Variants in EFR3B observed in about 807,000 individuals in gnomAD.
EFR3B encodes the protein protein EFR3 homolog B.
Under a neutral mutation model 104.7 loss-of-function variants are expected in EFR3B, and 64 were observed. That is an observed-to-expected ratio of 0.61 (90% CI 0.50 to 0.75). The LOEUF is 0.75. EFR3B is among the 30% of genes least tolerant of loss of function. EFR3B has a pLI of 0.00. For missense variants in EFR3B, 750 were observed against 1,078.5 expected (o/e 0.70, Z 4.27); for synonymous variants, 385 against 417.9 (o/e 0.92, Z 0.96).
chr2:25,142,027 C>T (rs991248902), intron 17 of EFR3B, among the ~76,000 whole-genome samples: 58 of 152,114 alleles, frequency 3.8e-4, no homozygotes, highest in African/African-American at 1.3e-3. Context: ...AAGCTGGGTG[C>T]GGTGGCTCAC....
At chr2:25,071,945 AT>A (rs1301676785) in intron 1 of EFR3B, among the ~76,000 whole-genome samples, 2 of 152,070 alleles carry the variant, frequency 1.3e-5, no homozygotes, top group Non-Finnish European at 2.9e-5. Context: ...TTTTCAATGT[AT>A]CTGTTTTACT....
At chr2:25,118,874 A>G (rs1669940170) in intron 4 of EFR3B, among the ~76,000 whole-genome samples, 1 of 152,068 alleles carries the variant, frequency 6.6e-6, no homozygotes, top group Admixed American at 6.6e-5. Flanking sequence ...CCCCGTCTCA[A>G]CTAAAAATAC....
chr2:25,129,969 C>A lies in EFR3B; in HGVS notation c.636-6C>A. 6.4e-7 allele frequency: 1 copy of A among 1,551,314 alleles called. No homozygotes were observed. The highest frequency in any genetic ancestry group is 8.7e-7 in the Non-Finnish European group (1 of 1,146,980). On this transcript the variant is annotated splice_region_variant and splice_polypyrimidine_tract_variant and intron_variant, in intron 6 of 22. Transcript: ENST00000403714. ...ACCCTCTACCCATGTGCCTCTGTCT[C>A]CCCAGCCGGTCTCCCTCACCCCTCC...
chr2:25,059,794 G>C (rs1668135643), intron 1 of EFR3B, among the ~76,000 whole-genome samples: 1 of 144,370 alleles, frequency 6.9e-6, no homozygotes, highest in Non-Finnish European at 1.5e-5. Context: ...AGAATCGCTT[G>C]AACCCAGGAG....
chr2:25,066,012 G>A (rs1455136522), intron 1 of EFR3B, among the ~76,000 whole-genome samples: 2 of 152,124 alleles, frequency 1.3e-5, no homozygotes, highest in Non-Finnish European at 2.9e-5. Context: ...TCACCACTTG[G>A]CTATGGGGCA....
At chr2:25,099,732 C>T (rs1321317642) in intron 3 of EFR3B, among the ~76,000 whole-genome samples, 1 of 151,868 alleles carries the variant, frequency 6.6e-6, no homozygotes, top group Non-Finnish European at 1.5e-5. Context: ...ATGTCTGAGG[C>T]AGTCTGACTG....
intron 3 of EFR3B, among the ~76,000 whole-genome samples, chr2:25,098,282 A>G (rs1237878544): frequency 6.6e-6 from 1 of 152,136 alleles, no homozygotes; most frequent in Non-Finnish European, 1.5e-5. Flanking sequence ...TTCTTGTGCA[A>G]ATGACTGGCC....
chr2:25,118,265 G>T (rs1481297851), intron 4 of EFR3B, among the ~76,000 whole-genome samples: 2 of 152,228 alleles, frequency 1.3e-5, no homozygotes, highest in Admixed American at 1.3e-4. Context: ...ACAGGCGTGA[G>T]TCACTGCGCC....
intron 3 of EFR3B, among the ~76,000 whole-genome samples, chr2:25,094,251 C>G (rs1260804501): frequency 7.9e-6 from 1 of 126,554 alleles, no homozygotes; most frequent in Non-Finnish European, 1.6e-5. Context: ...CACCACTGCA[C>G]TCTAGCCTGG....
chr2:25,060,876 G>A (rs1005302309), intron 1 of EFR3B, among the ~76,000 whole-genome samples: 3 of 151,344 alleles, frequency 2.0e-5, no homozygotes, highest in South Asian at 4.2e-4. Context: ...AGCCGAGATC[G>A]CCCCACTGCA....
At chr2:25,106,389 A>C (rs1166476396) in intron 4 of EFR3B, among the ~76,000 whole-genome samples, 1 of 151,846 alleles carries the variant, frequency 6.6e-6, no homozygotes, top group Non-Finnish European at 1.5e-5. Context: ...TCCGAGGTTC[A>C]AGTGATTCTT....
intron 1 of EFR3B, among the ~76,000 whole-genome samples, chr2:25,071,773 C>G (rs983163440): frequency 1.3e-5 from 2 of 152,164 alleles, no homozygotes; most frequent in African/African-American, 4.8e-5. Context: ...TGCACTTAAT[C>G]GATACCTTTC....
At chr2:25,126,640 G>A (rs1428215989) in intron 5 of EFR3B, among the ~76,000 whole-genome samples, 1 of 151,952 alleles carries the variant, frequency 6.6e-6, no homozygotes, top group Non-Finnish European at 1.5e-5. Flanking sequence ...GATTACAGGC[G>A]TGAGTCACCG....
chr2:25,146,740 G>C (rs1021778666), intron 19 of EFR3B: 1 of 152,230 alleles, frequency 6.6e-6, no homozygotes, highest in Non-Finnish European at 1.5e-5. Context: ...GCAAAGCAGG[G>C]GTGCAGGGGC....
intron 1 of EFR3B, among the ~76,000 whole-genome samples, chr2:25,083,127 C>A (rs1668856090): frequency 6.6e-6 from 1 of 152,144 alleles, no homozygotes. Context: ...GGGAATTGGC[C>A]ATATCACGTT....
In EFR3B at chr2:25,080,283, CTTTTTTTTTT is replaced by C. The variant is rs563438610; in HGVS notation, c.8-11023_8-11014del. 2.5e-3 allele frequency: 392 copies of C among 154,908 alleles called. 1 individual carries two copies. The highest frequency in any genetic ancestry group is 0.024 in the African/African-American group (182 of 7,612). The allele number at this position is 154,908 out of a possible 1,614,324, so 9.6% of individuals were successfully genotyped here. On this transcript the variant is annotated intron_variant, in intron 1 of 22. Transcript: ENST00000403714. The stretch of plus-strand genomic sequence containing the variant: ...AGCTGGCTGGAGTCCCTCCCCAAAG[CTTTTTTTTTT>C]TTTTTTTTTTTTTTTTTTGAGATGG...
In EFR3B at chr2:25,042,974, A is replaced by G. The variant is rs1667614613; in HGVS notation, c.7+655A>G. ...CCCCGCCTCCACCGCCATCCCCTCAACTGCCGTGCAACAGTTAGCCAGACC... is the reference window on the plus strand; with the variant it reads ...CCCCGCCTCCACCGCCATCCCCTCAGCTGCCGTGCAACAGTTAGCCAGACC... On this transcript the variant is annotated intron_variant, in intron 1 of 22. Transcript: ENST00000403714. This position sits in a 1 kb window ranked among gnomAD's most constrained non-coding sequence, Gnocchi z 5.4. 6.6e-6 allele frequency among the ~76,000 whole-genome samples: 1 copy of G among 152,154 alleles called. No individual in the cohort carries two copies. The highest frequency in any genetic ancestry group is 1.5e-5 in the Non-Finnish European group (1 of 68,020).
At chr2:25,068,690 C>T (rs556406605) in intron 1 of EFR3B, among the ~76,000 whole-genome samples, 21 of 149,840 alleles carry the variant, frequency 1.4e-4, no homozygotes, top group African/African-American at 4.4e-4. Flanking sequence ...AGTACAGTGG[C>T]GCGATCTCGG....
chr2:25,133,666 A>C (rs1670443961), intron 12 of EFR3B, among the ~76,000 whole-genome samples: 1 of 152,196 alleles, frequency 6.6e-6, no homozygotes, highest in Admixed American at 6.5e-5. Context: ...ATTTTCACAA[A>C]GGTTCCTTAT....
Sources: allele counts gnomAD v4.1 joint callset (sites outside exome capture counted in the v4.1 genomes callset), GRCh38; gene constraint gnomAD v4.1.1; non-coding constraint Gnocchi (gnomAD v3.1); transcripts MANE v1.5; gene names NCBI Gene and HGNC (gene_info 2026-07-23, HGNC 2026-07-21).